Variants in RPAP2 observed in about 807,000 individuals in gnomAD.
The protein encoded by RPAP2 is RNA polymerase II associated protein 2.
A neutral mutation model predicts 73.1 loss-of-function variants in RPAP2; 52 were observed. That is an observed-to-expected ratio of 0.71 (90% CI 0.57 to 0.90). RPAP2 has a LOEUF of 0.90. Among genes scored for constraint, RPAP2 ranks in the 40% least tolerant of loss-of-function variants. The pLI is 0.00. For missense variants in RPAP2, 598 were observed against 701.8 expected, an observed-to-expected ratio of 0.85 and a Z score of 1.67; for synonymous variants, 225 against 242.1, an observed-to-expected ratio of 0.93 and a Z score of 0.65.
Position 92,393,825 on chromosome 1 carries a change from A to G in RPAP2, c.*6814A>G, listed in dbSNP as rs962892453. 6.6e-6 allele frequency: 1 copy of G among 152,206 alleles called. No individual in the cohort carries two copies. The highest frequency in any genetic ancestry group is 1.5e-5 in the Non-Finnish European group (1 of 68,030). 9.4% of individuals were successfully genotyped at this position (152,206 alleles called of 1,614,324 possible). The stretch of plus-strand genomic sequence containing the variant: ...TGGCGATCATTAAAAATCAGGAAAC[A>G]ATAGATGCTGGAGAGGTTGTGGAAA... On this transcript the variant is annotated 3_prime_UTR_variant, in exon 13 of 13. Transcript: ENST00000610020.
chr1:92,301,610 A>T lies in RPAP2; in HGVS notation c.234+20A>T. 9.4e-7 allele frequency: 1 copy of T among 1,062,312 alleles called. No individual in the cohort carries two copies. The highest frequency in any genetic ancestry group is 1.6e-5 in the South Asian group (1 of 61,898). The allele number at this position is 1,062,312 out of a possible 1,614,324, so 65.8% of individuals were successfully genotyped here. ...GAGTGTGTATGTGTTAAGTTGACAA[A>T]TTATTAGTTTTGTAGTATAACATCT... On this transcript the variant is annotated intron_variant, in intron 3 of 12. Coordinates refer to ENST00000610020, the MANE Select transcript of RPAP2 (RefSeq NM_024813.3).
intron 10 of RPAP2, among the ~76,000 whole-genome samples, chr1:92,345,379 T>TTA (rs1653821745): frequency 1.4e-5 from 1 of 73,770 alleles, no homozygotes; most frequent in Non-Finnish European, 2.6e-5. Flanking sequence ...CCCGTTTCTT[T>TTA]AAAAAAAAAA....
At chr1:92,382,408 T>C (rs12057715) in intron 12 of RPAP2, among the ~76,000 whole-genome samples, 7,342 of 152,210 alleles carry the variant, frequency 0.048, 609 homozygotes, top group African/African-American at 0.17. Flanking sequence ...TGTTCCTATT[T>C]CTCCACATCC....
rs1656149228 is a variant in RPAP2, at chr1:92,394,978, G to A, written c.*7967G>A. On this transcript the variant is annotated 3_prime_UTR_variant, in exon 13 of 13. Coordinates refer to ENST00000610020, the MANE Select transcript of RPAP2 (RefSeq NM_024813.3). The stretch of plus-strand genomic sequence containing the variant: ...TATAAAGATAGGCATACAGATCAGT[G>A]GAACAGAGTCCAGGAATAAACCTTC... 6.6e-6 allele frequency: 1 copy of A among 152,112 alleles called. No homozygotes were observed. The highest frequency in any genetic ancestry group is 2.4e-5 in the African/African-American group (1 of 41,430). 9.4% of individuals were successfully genotyped at this position (152,112 alleles called of 1,614,324 possible).
Position 92,336,467 on chromosome 1 carries a change from G to T in RPAP2, c.1619+40G>T, listed in dbSNP as rs565442306. 65 of 1,383,088 alleles carry T rather than the reference G, an allele frequency of 4.7e-5. 2 individuals carry two copies. The South Asian group carries it at 7.8e-4, about 17-fold the overall frequency. The allele number at this position is 1,383,088 out of a possible 1,614,324, so 85.7% of individuals were successfully genotyped here. On this transcript the variant is annotated intron_variant, in intron 10 of 12. Transcript: ENST00000610020. ...TACAATTATCCTTCTCAATTATTTTGACTTTATTTATTGCCTTGCAGAATC... is the reference window on the plus strand; with the variant it reads ...TACAATTATCCTTCTCAATTATTTTTACTTTATTTATTGCCTTGCAGAATC...
At chr1:92,355,402 A>T (rs980449096) in intron 11 of RPAP2, among the ~76,000 whole-genome samples, 1 of 152,198 alleles carries the variant, frequency 6.6e-6, no homozygotes, top group Non-Finnish European at 1.5e-5. Context: ...TATGAGGTGT[A>T]AAAAGTAAGA....
At chr1:92,314,528 T>G (rs12727665) in intron 6 of RPAP2, among the ~76,000 whole-genome samples, 24,274 of 151,972 alleles carry the variant, frequency 0.16, 2,520 homozygotes, top group Non-Finnish European at 0.21. Context: ...GGCCGGTGGA[T>G]CACTTGAGGT....
chr1:92,384,052 C>A (rs920592659), intron 12 of RPAP2, among the ~76,000 whole-genome samples: 13 of 151,936 alleles, frequency 8.6e-5, no homozygotes, highest in Admixed American at 3.9e-4. Context: ...ACCTGCCTCC[C>A]AGTTCAAGCG....
chr1:92,379,043 C>T (rs892985549), intron 11 of RPAP2, among the ~76,000 whole-genome samples: 1 of 152,186 alleles, frequency 6.6e-6, no homozygotes, highest in Admixed American at 6.5e-5. Context: ...AATTTCCCAC[C>T]TCCTCTGGAA....
chr1:92,360,003 T>A (rs34163338), intron 11 of RPAP2, among the ~76,000 whole-genome samples: 2 of 3,778 alleles, frequency 5.3e-4, no homozygotes, highest in Non-Finnish European at 7.7e-4. Flanking sequence ...AGTCTGGTAA[T>A]TTGGTAGTGT....
At position 92,345,889 on chromosome 1, in the gene RPAP2, T is replaced by C; in HGVS notation, c.1663T>C (p.Leu555=). The C allele has an allele frequency of 6.2e-7, 1 of 1,605,928 alleles. No homozygotes were observed. Among genetic ancestry groups the C allele is most frequent in the Non-Finnish European group, 8.5e-7 (1 of 1,173,336 alleles). Residue 555 remains leucine, a synonymous_variant, in exon 11 of 13, where the codon TTA becomes CTA. Coordinates refer to ENST00000610020, the MANE Select transcript of RPAP2 (RefSeq NM_024813.3). ...TATACACAAACCTGCGGAATGGACT[T>C]TAATTGCTATGGTGTTGCTGTCATT... ...NIIHKPAEWT[L]IAMVLLSLLT... is the part of the protein sequence containing the mutation.
intron 1 of RPAP2, 139 bp downstream of exon 1, chr1:92,299,285 CCCA>C: frequency 2.2e-6 from 1 of 461,470 alleles, no homozygotes; most frequent in Non-Finnish European, 3.9e-6. Flanking sequence ...CCGAAAGCTT[CCCA>C]CCGCCGTCCG....
chr1:92,333,536 A>T lies in RPAP2; in HGVS notation c.1538+63A>T, dbSNP rs1416593303. On this transcript the variant is annotated intron_variant, in intron 9 of 12. Coordinates refer to ENST00000610020, the MANE Select transcript of RPAP2 (RefSeq NM_024813.3). ...TTAAATTAACTTGACATTTAAGCTCATAATGTGTAAGTATTATCCTCAGAT... is the reference window on the plus strand; with the variant it reads ...TTAAATTAACTTGACATTTAAGCTCTTAATGTGTAAGTATTATCCTCAGAT... 3.6e-6 allele frequency: 4 copies of T among 1,107,220 alleles called. No individual in the cohort carries two copies. The African/African-American group carries it at 6.1e-5, about 17-fold the overall frequency. 68.6% of individuals were successfully genotyped at this position (1,107,220 alleles called of 1,614,324 possible).
chr1:92,343,202 A>C (rs1343189201), intron 10 of RPAP2, among the ~76,000 whole-genome samples: 1 of 152,170 alleles, frequency 6.6e-6, no homozygotes, highest in Non-Finnish European at 1.5e-5. Flanking sequence ...CCTGGTAAAG[A>C]AAATGTTTCC....
intron 11 of RPAP2, among the ~76,000 whole-genome samples, chr1:92,355,532 C>CTTTG (rs1307542297): frequency 1.3e-5 from 2 of 152,156 alleles, no homozygotes; most frequent in Non-Finnish European, 2.9e-5. Flanking sequence ...AAGTGTTATA[C>CTTTG]TTTGTTAGGT....
intron 11 of RPAP2, among the ~76,000 whole-genome samples, chr1:92,375,763 G>A (rs776689799): frequency 3.9e-5 from 6 of 151,944 alleles, no homozygotes; most frequent in Non-Finnish European, 7.4e-5. Flanking sequence ...CCCAAGAGGC[G>A]GAGGTTGCAG....
In RPAP2 at chr1:92,390,046, A is replaced by G. The variant is rs1433144929; in HGVS notation, c.*3035A>G. 3 of 152,218 alleles carry G rather than the reference A, an allele frequency of 2.0e-5. No homozygotes were observed. The highest frequency in any genetic ancestry group is 2.9e-5 in the Non-Finnish European group (2 of 68,050). 9.4% of individuals were successfully genotyped at this position (152,218 alleles called of 1,614,324 possible). On this transcript the variant is annotated 3_prime_UTR_variant, in exon 13 of 13. Transcript: ENST00000610020. The stretch of plus-strand genomic sequence containing the variant: ...TTCAAATTCAGGAAATACAGAGAAC[A>G]CCACAAAGATACTCCTCAAGAAGAG...
intron 11 of RPAP2, among the ~76,000 whole-genome samples, chr1:92,375,191 TTAAAAA>T (rs1655335162): frequency 6.6e-6 from 1 of 152,192 alleles, no homozygotes; most frequent in Non-Finnish European, 1.5e-5. Flanking sequence ...GTTCAGCATC[TTAAAAA>T]TAATATGTTT....
At chr1:92,325,042 T>A (rs1319179296) in intron 8 of RPAP2, among the ~76,000 whole-genome samples, 1 of 152,200 alleles carries the variant, frequency 6.6e-6, no homozygotes. Flanking sequence ...TATAAAGCAT[T>A]TATCACAGTA....
Sources: allele counts gnomAD v4.1 joint callset (sites outside exome capture counted in the v4.1 genomes callset), GRCh38; gene constraint gnomAD v4.1.1; transcripts MANE v1.5; gene names NCBI Gene and HGNC (gene_info 2026-07-23, HGNC 2026-07-21).